Variants in ZBTB40 observed in about 807,000 individuals in gnomAD.
ZBTB40 encodes the protein zinc finger and BTB domain containing 40.
ZBTB40 carries 60 observed loss-of-function variants against 117.5 expected under a neutral mutation model. The ratio of observed to expected loss-of-function variants is 0.51; its 90% confidence interval spans 0.41 to 0.63. ZBTB40 has a LOEUF of 0.63. ZBTB40 is among the 30% of genes least tolerant of loss of function. ZBTB40 has a pLI of 0.00. For missense variants in ZBTB40, 1,287 were observed against 1,498.5 expected, an observed-to-expected ratio of 0.86 and a Z score of 2.33; for synonymous variants, 525 against 577.1, an observed-to-expected ratio of 0.91 and a Z score of 1.29.
Position 22,501,616 on chromosome 1 carries a change from C to G in ZBTB40, c.956C>G (p.Ser319Cys), listed in dbSNP as rs1407703519. The change falls in exon 4 of 18, where the codon TCT becomes TGT. Residue 319 changes from serine (S) to cysteine (C), a missense_variant. Physicochemically the swap from Ser to Cys is moderately radical, Grantham distance 112. Around this residue, in one of 2 missense-constraint regions of ZBTB40, gnomAD observed 870 missense variants for 934.4 expected, o/e 0.93. Transcript: ENST00000375647. The stretch of plus-strand genomic sequence containing the variant: ...TCCCTGTTGAGGCTGTACCAATATT[C>G]TAATCCTGCAGTAAAAACAGCACTA... ...VVSLLRLYQY[S>C]NPAVKTALLD... 1.2e-6 allele frequency: 2 copies of G among 1,613,996 alleles called. No individual in the cohort carries two copies. Among genetic ancestry groups the G allele is most frequent in the African/African-American group, 1.3e-5 (1 of 74,908 alleles).
chr1:22,525,964 G>A (rs575141802), intron 17 of ZBTB40, among the ~76,000 whole-genome samples: 24 of 152,304 alleles, frequency 1.6e-4, no homozygotes, highest in African/African-American at 5.3e-4. Context: ...CGGGCGCCCC[G>A]AGATGGCGTA....
intron 1 of ZBTB40, among the ~76,000 whole-genome samples, chr1:22,471,502 A>G (rs1266516735): frequency 1.3e-5 from 2 of 152,230 alleles, no homozygotes; most frequent in Non-Finnish European, 2.9e-5. Flanking sequence ...TTCCTCATCT[A>G]TAAAATAGGG....
In ZBTB40 at chr1:22,489,946, G is replaced by C. The variant is rs373826631; in HGVS notation, c.-3G>C. On this transcript the variant is annotated 5_prime_UTR_variant, in exon 2 of 18. Coordinates refer to ENST00000375647, the MANE Select transcript of ZBTB40 (RefSeq NM_014870.4). ...GAGCAGTTCTTGGGGCAGAGTTGAC[G>C]CAATGGAGCTCCCCAACTACAGCCG... The C allele has an allele frequency of 1.9e-6, 3 of 1,609,750 alleles. No individual in the cohort carries two copies. The highest frequency in any genetic ancestry group is 2.5e-6 in the Non-Finnish European group (3 of 1,179,920).
At position 22,506,253 on chromosome 1, in the gene ZBTB40, T is replaced by C. The variant is rs1639073396; in HGVS notation, c.1360+12T>C. On this transcript the variant is annotated intron_variant, in intron 6 of 17. Transcript: ENST00000375647. The stretch of plus-strand genomic sequence containing the variant: ...GCCAAGCACCACAGGTATTAGTAAA[T>C]TGTTGACTCTCTGGACTGGAACCAC... The C allele has an allele frequency of 1.9e-6, 3 of 1,613,688 alleles. No homozygotes were observed. Among genetic ancestry groups the C allele is most frequent in the Admixed American group, 3.3e-5 (2 of 60,008 alleles).
Position 22,509,350 on chromosome 1 carries a change from T to C in ZBTB40, c.1833+117T>C, listed in dbSNP as rs139856411. ...TGGGTTGTTTTTCCTTCTTTTTTTT[T>C]CCTTTTTCTCTTTTGAGACAGAGTC... On this transcript the variant is annotated intron_variant, in intron 9 of 17. Transcript: ENST00000375647. 439 of 1,460,132 alleles carry C rather than the reference T, an allele frequency of 3.0e-4. 4 individuals are homozygous for C. The African/African-American group carries it at 4.2e-3, about 14-fold the overall frequency. 90.4% of individuals were successfully genotyped at this position (1,460,132 alleles called of 1,614,324 possible).
chr1:22,514,314 A>G (rs1044743452), intron 12 of ZBTB40, among the ~76,000 whole-genome samples: 2 of 152,222 alleles, frequency 1.3e-5, no homozygotes, highest in Admixed American at 1.3e-4. Context: ...TGATACTTAA[A>G]AAATAAATAA....
chr1:22,487,653 C>T (rs544688697), intron 1 of ZBTB40, among the ~76,000 whole-genome samples: 6 of 152,080 alleles, frequency 3.9e-5, no homozygotes, highest in African/African-American at 1.4e-4. Flanking sequence ...GCTTGAAGCC[C>T]TCATTGATTT....
At position 22,527,577 on chromosome 1, in the gene ZBTB40, A is replaced by G. The variant is rs16827289; in HGVS notation, c.*1181A>G. 0.03 allele frequency: 4,607 copies of G among 152,502 alleles called. 147 individuals are homozygous for G. Among genetic ancestry groups the G allele is most frequent in the Admixed American group, 0.07 (1,071 of 15,312 alleles). The allele number at this position is 152,502 out of a possible 1,614,324, so 9.4% of individuals were successfully genotyped here. On this transcript the variant is annotated 3_prime_UTR_variant, in exon 18 of 18. Transcript: ENST00000375647. Reference sequence around the variant, plus strand: ...CTAGCATTTATCTTCTTTTCCTTCCATGCCAAAGGTTGGAGTCTGCTGGTG... The same window carrying G: ...CTAGCATTTATCTTCTTTTCCTTCCGTGCCAAAGGTTGGAGTCTGCTGGTG...
rs1639614050 is a variant in ZBTB40 at position 22,524,209 on chromosome 1, C to G, written c.3299-9C>G. On this transcript the variant is annotated splice_polypyrimidine_tract_variant and intron_variant, in intron 16 of 17. Transcript: ENST00000375647. ...CACAGCCCTCCCCTTCTGTCTCCCT[C>G]TCCTCCAGGGTCCCAGCCATTCCGG... 1 of 1,613,968 alleles carries G rather than the reference C, an allele frequency of 6.2e-7. No homozygotes were observed.
intron 5 of ZBTB40, 74 bp from the exon 6 acceptor site, chr1:22,505,975 G>A: frequency 1.3e-6 from 2 of 1,524,326 alleles, no homozygotes; most frequent in Non-Finnish European, 9.1e-7. Flanking sequence ...TATCTTGCTA[G>A]GTTTTCCAGT....
At chr1:22,495,493 G>T (rs1405924907) in intron 3 of ZBTB40, among the ~76,000 whole-genome samples, 1 of 151,640 alleles carries the variant, frequency 6.6e-6, no homozygotes, top group South Asian at 2.1e-4. Flanking sequence ...TTTGTGCTAG[G>T]TTTTTTTTGT....
At chr1:22,486,167 A>G (rs540119975) in intron 1 of ZBTB40, among the ~76,000 whole-genome samples, 1 of 152,316 alleles carries the variant, frequency 6.6e-6, no homozygotes, top group East Asian at 1.9e-4. Context: ...CATAAAAGGA[A>G]CTGCTATAGC....
rs1335253550 is a variant in ZBTB40 at position 22,526,573 on chromosome 1, GCAT to G, written c.*179_*181del. On this transcript the variant is annotated 3_prime_UTR_variant, in exon 18 of 18. Coordinates refer to ENST00000375647, the MANE Select transcript of ZBTB40 (RefSeq NM_014870.4). ...CTTCGTTGTTCTCATAGAACCAACA[GCAT>G]CTGAGCCCTCAACACCAACAGCACC... 2 of 785,902 alleles carry G rather than the reference GCAT, an allele frequency of 2.5e-6. No homozygotes were observed. Among genetic ancestry groups the G allele is most frequent in the Non-Finnish European group, 4.1e-6 (2 of 482,248 alleles). The allele number at this position is 785,902 out of a possible 1,614,324, so 48.7% of individuals were successfully genotyped here. A position where few individuals can be genotyped will look rare whatever the true frequency, so the allele number is the denominator to read the frequency against.
At chr1:22,511,558 G>C in intron 10 of ZBTB40, 118 bp from the exon 11 acceptor site, 1 of 1,268,846 alleles carries the variant, frequency 7.9e-7, no homozygotes, top group South Asian at 1.4e-5. Flanking sequence ...TATTACTTCA[G>C]AGTGTTTTTG....
intron 7 of ZBTB40, among the ~76,000 whole-genome samples, 192 bp downstream of exon 7, chr1:22,508,329 G>A (rs147249652): frequency 5.4e-4 from 82 of 152,314 alleles, no homozygotes; most frequent in African/African-American, 1.9e-3. Context: ...TCTAATTTCT[G>A]TGGTAATAAG....
At chr1:22,522,800 C>G (rs777895653) in intron 16 of ZBTB40, among the ~76,000 whole-genome samples, 3 of 150,368 alleles carry the variant, frequency 2.0e-5, no homozygotes, top group South Asian at 2.1e-4. Flanking sequence ...GAGTCTCACT[C>G]TGTCACCCAG....
At position 22,431,394 on chromosome 1, in the gene ZBTB40, A is replaced by ATGTG. The variant is rs1463176318; in HGVS notation, c.-70+2381_-70+2382insGTGT. Among the ~76,000 whole-genome samples, 6 of 136,926 alleles carry ATGTG rather than the reference A, an allele frequency of 4.4e-5. No individual in the cohort carries two copies. The East Asian group carries it at 1.2e-3, about 27-fold the overall frequency. The allele number at this position is 136,926 out of a possible 152,430, so 89.8% of individuals were successfully genotyped here. On this transcript the variant is annotated intron_variant, in intron 1 of 8. Coordinates refer to the ZBTB40 transcript ENST00000650433. ...TGTGTGTGTGTGTGTGTATATATAT[A>ATGTG]TATATATATATATATGTATATATAG... is the stretch of plus-strand genomic sequence containing the variant.
chr1:22,478,708 A>G (rs935745775), intron 1 of ZBTB40, among the ~76,000 whole-genome samples: 1 of 152,042 alleles, frequency 6.6e-6, no homozygotes, highest in Admixed American at 6.5e-5. Flanking sequence ...TCATTATTCT[A>G]CTTTGTTTTT....
At chr1:22,514,069 G>A (rs1639314025) in intron 12 of ZBTB40, among the ~76,000 whole-genome samples, 1 of 152,126 alleles carries the variant, frequency 6.6e-6, no homozygotes, top group Non-Finnish European at 1.5e-5. Flanking sequence ...TGTAGCGCCC[G>A]TTACAATGCA....
Sources: allele counts gnomAD v4.1 joint callset (sites outside exome capture counted in the v4.1 genomes callset), GRCh38; gene constraint gnomAD v4.1.1; regional missense constraint gnomAD v4.1.1; transcripts MANE v1.5; gene names NCBI Gene and HGNC (gene_info 2026-07-23, HGNC 2026-07-21).